Variants in SIK3 observed in about 807,000 individuals in gnomAD.
SIK3 encodes SIK family kinase 3.
A neutral mutation model predicts 144.2 loss-of-function variants in SIK3; 28 were observed. The ratio of observed to expected loss-of-function variants is 0.19; its 90% CI spans 0.14 to 0.27. The LOEUF (loss-of-function observed/expected upper bound fraction) is 0.27, where lower values mean the gene tolerates loss of function less well. Among genes scored for constraint, SIK3 ranks in the 10% least tolerant of loss-of-function variants. The probability of loss-of-function intolerance (pLI) is 1.00; values close to 1 mark genes in which losing one functional copy is unlikely to be tolerated. For synonymous variants in SIK3, 686 were observed against 676.3 expected, an observed-to-expected ratio of 1.01 and a Z score of -0.22; for missense variants, 1,319 against 1,776.0, an observed-to-expected ratio of 0.74 and a Z score of 4.62.
At chr11:117,042,177 C>A (rs1952772404) in intron 1 of SIK3, among the ~76,000 whole-genome samples, 1 of 152,154 alleles carries the variant, frequency 6.6e-6, no homozygotes, top group South Asian at 2.1e-4. Context: ...TTTTAGCCTA[C>A]AGTAGACACT....
chr11:116,940,547 T>C (rs1480483720), intron 3 of SIK3, among the ~76,000 whole-genome samples: 1 of 151,994 alleles, frequency 6.6e-6, no homozygotes, highest in African/African-American at 2.4e-5. Flanking sequence ...GATTTATATA[T>C]ACTCAATACA....
intron 3 of SIK3, among the ~76,000 whole-genome samples, chr11:116,947,528 T>C (rs1948716021): frequency 9.3e-6 from 1 of 108,018 alleles, no homozygotes; most frequent in South Asian, 2.6e-4. Flanking sequence ...AATATATATA[T>C]ATATATGTAT....
intron 4 of SIK3, among the ~76,000 whole-genome samples, chr11:116,915,713 T>A (rs534802072): frequency 6.6e-6 from 1 of 152,222 alleles, no homozygotes; most frequent in Non-Finnish European, 1.5e-5. Flanking sequence ...GTAAGAACCA[T>A]GGCCAAACAA....
chr11:116,910,783 GAAGA>G (rs1946297996), intron 4 of SIK3, among the ~76,000 whole-genome samples: 1 of 151,922 alleles, frequency 6.6e-6, no homozygotes, highest in Admixed American at 6.6e-5. Context: ...AAAAAATCCA[GAAGA>G]ATGACAACTT....
chr11:116,889,418 T>A (rs1413942043), intron 6 of SIK3, among the ~76,000 whole-genome samples: 10 of 151,402 alleles, frequency 6.6e-5, no homozygotes, highest in Admixed American at 6.6e-4. Context: ...TTTTAAAAAA[T>A]TAGCTTGGAA....
chr11:117,023,578 T>C (rs1346461858), intron 1 of SIK3, among the ~76,000 whole-genome samples: 2 of 110,048 alleles, frequency 1.8e-5, no homozygotes, highest in African/African-American at 7.5e-5. Flanking sequence ...GCTAATATTC[T>C]TAAAAACAAA....
chr11:116,968,689 T>G (rs1021893155), intron 1 of SIK3, among the ~76,000 whole-genome samples: 9 of 152,212 alleles, frequency 5.9e-5, no homozygotes, highest in Non-Finnish European at 1.0e-4. Context: ...TCTCTGATGG[T>G]CCTAAATTTG....
intron 1 of SIK3, among the ~76,000 whole-genome samples, chr11:117,009,210 G>A (rs1255915573): frequency 2.0e-5 from 3 of 148,756 alleles, no homozygotes; most frequent in African/African-American, 7.5e-5. Flanking sequence ...TCCAGCCTGG[G>A]CGACAGAGTG....
chr11:116,977,668 TAAAC>T (rs1949996369), intron 1 of SIK3, among the ~76,000 whole-genome samples: 2 of 152,034 alleles, frequency 1.3e-5, no homozygotes, highest in South Asian at 2.1e-4. Context: ...AAAATAAAAA[TAAAC>T]AAACTAAGAA....
At chr11:116,984,890 A>G (rs1211494047) in intron 1 of SIK3, among the ~76,000 whole-genome samples, 1 of 152,216 alleles carries the variant, frequency 6.6e-6, no homozygotes. Context: ...ATCTCTGTGT[A>G]TAGAGTCCAG....
intron 3 of SIK3, among the ~76,000 whole-genome samples, chr11:116,937,341 C>T (rs981233685): frequency 2.6e-5 from 4 of 152,172 alleles, no homozygotes; most frequent in Non-Finnish European, 4.4e-5. Context: ...TATGAATGCA[C>T]CTTGTTTTGT....
chr11:116,944,465 GCAATCAATCAAT>G (rs56983284), intron 3 of SIK3, among the ~76,000 whole-genome samples: 1 of 151,226 alleles, frequency 6.6e-6, no homozygotes, highest in Non-Finnish European at 1.5e-5. Flanking sequence ...AATCATGTGA[GCAATCAATCAAT>G]CAATCAATCA....
chr11:117,056,208 A>T (rs1465127453), intron 1 of SIK3, among the ~76,000 whole-genome samples: 2 of 152,206 alleles, frequency 1.3e-5, no homozygotes, highest in Non-Finnish European at 2.9e-5. Flanking sequence ...AAAAAGGATG[A>T]GTTCATGTCC....
rs1006107433 is a variant in SIK3 at position 116,917,048 on chromosome 11, C to T, written c.616+10171G>A. On this transcript the variant is annotated intron_variant, in intron 4 of 24. Transcript: ENST00000445177. ...TAGCTTACTGCAGCTTCAACCTCTG[C>T]GGCTCAAGCGACCCTCCCATCTCAG... 7.9e-5 allele frequency among the ~76,000 whole-genome samples: 12 copies of T among 151,986 alleles called. No individual in the cohort carries two copies. In the South Asian group the frequency reaches 2.1e-3, roughly 26 times the overall value.
At chr11:116,995,422 C>T (rs1950632744) in intron 1 of SIK3, among the ~76,000 whole-genome samples, 1 of 151,892 alleles carries the variant, frequency 6.6e-6, no homozygotes, top group Non-Finnish European at 1.5e-5. Context: ...CACCATCACA[C>T]CCAGCTAATT....
intron 1 of SIK3, among the ~76,000 whole-genome samples, chr11:116,970,203 G>A (rs927554403): frequency 6.6e-5 from 10 of 152,168 alleles, no homozygotes; most frequent in Admixed American, 2.6e-4. Flanking sequence ...CTTGAGCTCC[G>A]GAGGTCAAGG....
In SIK3 at chr11:116,862,343, T is replaced by C. The variant is rs2134431395; in HGVS notation, c.2104-16A>G. 1.9e-6 allele frequency: 3 copies of C among 1,614,060 alleles called. No homozygotes were observed. The highest frequency in any genetic ancestry group is 2.5e-6 in the Non-Finnish European group (3 of 1,179,972). On this transcript the variant is annotated splice_polypyrimidine_tract_variant and intron_variant, in intron 16 of 24. Coordinates refer to ENST00000445177, the MANE Select transcript of SIK3 (RefSeq NM_001366686.3). ...GCTCACACTCCTGAAGGGAAAGTAG[T>C]TAATACAGATGGGATGCAGCCAGAC...
intron 21 of SIK3, among the ~76,000 whole-genome samples, chr11:116,853,021 C>G (rs888245): frequency 0.16 from 24,551 of 152,088 alleles, 2,087 homozygotes; most frequent in African/African-American, 0.18. Flanking sequence ...AATACATGAC[C>G]AGGGGATCAG....
At chr11:116,998,423 A>G (rs1950741895) in intron 1 of SIK3, among the ~76,000 whole-genome samples, 1 of 150,954 alleles carries the variant, frequency 6.6e-6, no homozygotes, top group African/African-American at 2.4e-5. Context: ...GTGAGCTGAG[A>G]TCATGCCATT....
Sources: allele counts gnomAD v4.1 joint callset (sites outside exome capture counted in the v4.1 genomes callset), GRCh38; gene constraint gnomAD v4.1.1; transcripts MANE v1.5; gene names NCBI Gene and HGNC (gene_info 2026-07-23, HGNC 2026-07-21).